Variants in PTPRT observed in about 807,000 individuals in gnomAD.
PTPRT encodes protein tyrosine phosphatase receptor type T, also known as receptor-type tyrosine-protein phosphatase T.
PTPRT carries 56 observed loss-of-function variants against 176.8 expected under a neutral mutation model. The ratio of observed to expected loss-of-function variants is 0.32; its 90% CI spans 0.26 to 0.40. The LOEUF (loss-of-function observed/expected upper bound fraction) is 0.40, where lower values mean the gene tolerates loss of function less well. Ranked by LOEUF, PTPRT falls within the 10% of genes least tolerant of loss-of-function variation. The pLI, the probability that PTPRT is intolerant of heterozygous loss-of-function variation, is 1.00. For synonymous variants in PTPRT, 783 were observed against 739.0 expected (o/e 1.06, Z -0.96); for missense variants, 1,540 against 1,908.2 (o/e 0.81, Z 3.60).
chr20:42,082,489 T>A (rs548098614), intron 29 of PTPRT, among the ~76,000 whole-genome samples: 1 of 152,296 alleles, frequency 6.6e-6, no homozygotes, highest in East Asian at 1.9e-4. Flanking sequence ...TTCCAAGTGA[T>A]TTTCCTACTA....
At chr20:42,869,637 A>G (rs1423947462) in intron 2 of PTPRT, among the ~76,000 whole-genome samples, 1 of 152,206 alleles carries the variant, frequency 6.6e-6, no homozygotes, top group Non-Finnish European at 1.5e-5. Context: ...AAGATGAATC[A>G]TATCTAATTT....
chr20:43,047,841 A>G (rs566101917), intron 1 of PTPRT, among the ~76,000 whole-genome samples: 1 of 152,176 alleles, frequency 6.6e-6, no homozygotes, highest in East Asian at 1.9e-4. Context: ...TTTTGTCCCT[A>G]CTGCAGAACA....
intron 9 of PTPRT, among the ~76,000 whole-genome samples, chr20:42,389,954 G>C (rs1352515528): frequency 6.6e-6 from 1 of 151,806 alleles, no homozygotes; most frequent in Non-Finnish European, 1.5e-5. Context: ...AGATGACACA[G>C]CAAGAAGGCG....
intron 2 of PTPRT, among the ~76,000 whole-genome samples, chr20:42,824,710 ATATT>A (rs760637201): frequency 1.2e-4 from 19 of 152,048 alleles, no homozygotes; most frequent in African/African-American, 3.6e-4. Context: ...ATACAAGAGA[ATATT>A]TATCTCATTT....
At chr20:42,295,747 C>T (rs2145285008) in intron 12 of PTPRT, among the ~76,000 whole-genome samples, 1 of 152,308 alleles carries the variant, frequency 6.6e-6, no homozygotes, top group Admixed American at 6.5e-5. Flanking sequence ...ACCCAAATCT[C>T]ATCTTGAATT....
At chr20:43,067,745 T>G (rs541921130) in intron 1 of PTPRT, among the ~76,000 whole-genome samples, 2 of 151,370 alleles carry the variant, frequency 1.3e-5, no homozygotes, top group South Asian at 4.2e-4. Flanking sequence ...GAGGATCACT[T>G]GAGCCCAGGA....
Position 42,672,313 on chromosome 20 carries a change from C to T in PTPRT, c.1153+5553G>A, listed in dbSNP as rs75918600. On this transcript the variant is annotated intron_variant, in intron 7 of 30. Coordinates refer to ENST00000373187, the MANE Select transcript of PTPRT (RefSeq NM_007050.6). ...AGTCTACTGGCCTACATCTTTCTCC[C>T]ATATTGGATGCTTCCTGTCCTTGTA... Among the ~76,000 whole-genome samples, 121 of 152,280 alleles carry T rather than the reference C, an allele frequency of 7.9e-4. 1 individual carries two copies. In the East Asian group the frequency reaches 0.019, roughly 24 times the overall value.
intron 16 of PTPRT, among the ~76,000 whole-genome samples, chr20:42,184,589 T>TTCTTCTTCTTCTTCTTCC: frequency 1.4e-5 from 2 of 143,568 alleles, no homozygotes; most frequent in East Asian, 2.1e-4. Flanking sequence ...CTTCTTCTTC[T>TTCTTCTTCTTCTTCTTCC]TCTTCCTCTT....
At chr20:42,878,228 G>T (rs1482345883) in intron 2 of PTPRT, among the ~76,000 whole-genome samples, 1 of 152,164 alleles carries the variant, frequency 6.6e-6, no homozygotes, top group African/African-American at 2.4e-5. Flanking sequence ...ATAAATCGTG[G>T]AACAGTCATT....
chr20:42,581,530 T>TAA (rs11468207), intron 7 of PTPRT, among the ~76,000 whole-genome samples: 5 of 133,656 alleles, frequency 3.7e-5, no homozygotes, highest in Non-Finnish European at 6.8e-5. Context: ...GGTGGCTGCA[T>TAA]AAAAAAAAAA....
chr20:42,449,639 T>G (rs2070791929), intron 8 of PTPRT, among the ~76,000 whole-genome samples: 1 of 152,220 alleles, frequency 6.6e-6, no homozygotes. Context: ...CTGAAGGTCA[T>G]ATGGCTCTTA....
At chr20:42,597,412 C>T (rs1363901786) in intron 7 of PTPRT, among the ~76,000 whole-genome samples, 2 of 152,146 alleles carry the variant, frequency 1.3e-5, no homozygotes, top group Non-Finnish European at 2.9e-5. Flanking sequence ...TCTGTGTCCC[C>T]GCCCAAATCT....
At chr20:42,065,153 G>T in the PTPRT span, among the ~76,000 whole-genome samples, 1 of 152,190 alleles carries the variant, frequency 6.6e-6, no homozygotes, top group African/African-American at 2.4e-5. Flanking sequence ...CCACATGAAA[G>T]ACCCTTCTCA....
the PTPRT span, among the ~76,000 whole-genome samples, chr20:42,040,072 CT>C: frequency 5.3e-5 from 8 of 152,150 alleles, no homozygotes; most frequent in South Asian, 4.2e-4. Context: ...CAAAAGTTCC[CT>C]TTTTTTTCCC....
At chr20:42,572,011 G>C (rs1026716504) in intron 7 of PTPRT, among the ~76,000 whole-genome samples, 6 of 152,238 alleles carry the variant, frequency 3.9e-5, no homozygotes, top group Middle Eastern at 6.8e-3. Flanking sequence ...TAATTTATTA[G>C]CAACAGAAAT....
intron 6 of PTPRT, among the ~76,000 whole-genome samples, chr20:42,722,693 A>T (rs932005674): frequency 6.6e-6 from 1 of 152,176 alleles, no homozygotes; most frequent in Non-Finnish European, 1.5e-5. Flanking sequence ...GAGATATTCT[A>T]TATCCACACT....
At chr20:42,042,338 A>G in the PTPRT span, among the ~76,000 whole-genome samples, 1 of 152,246 alleles carries the variant, frequency 6.6e-6, no homozygotes, top group Non-Finnish European at 1.5e-5. Flanking sequence ...CATACCATGC[A>G]GCAAAACACC....
chr20:42,563,730 A>C (rs2072992430), intron 7 of PTPRT, among the ~76,000 whole-genome samples: 1 of 152,148 alleles, frequency 6.6e-6, no homozygotes, highest in Non-Finnish European at 1.5e-5. Context: ...TGAGAGACTG[A>C]AGTAGGTTGC....
At chr20:42,095,918 C>A (rs1985168088) in intron 27 of PTPRT, among the ~76,000 whole-genome samples, 1 of 152,200 alleles carries the variant, frequency 6.6e-6, no homozygotes, top group African/African-American at 2.4e-5. Context: ...AATTTCATCC[C>A]CTGTTCATCT....
Sources: allele counts gnomAD v4.1 joint callset (sites outside exome capture counted in the v4.1 genomes callset), GRCh38; gene constraint gnomAD v4.1.1; transcripts MANE v1.5; gene names NCBI Gene and HGNC (gene_info 2026-07-23, HGNC 2026-07-21).